Variants in MAF1 observed in about 807,000 individuals in gnomAD.
The protein encoded by MAF1 is repressor of RNA polymerase III transcription MAF1 homolog.
MAF1 carries 7 observed loss-of-function variants against 31.9 expected under a neutral mutation model. That is an observed-to-expected ratio of 0.22 (90% CI 0.12 to 0.41). MAF1 has a LOEUF of 0.41. Among genes scored for constraint, MAF1 ranks in the 10% least tolerant of loss-of-function variants. The pLI is 1.00. For missense variants in MAF1, 221 were observed against 323.1 expected, an observed-to-expected ratio of 0.68 and a Z score of 2.42; for synonymous variants, 157 against 120.0, an observed-to-expected ratio of 1.31 and a Z score of -2.02.
intron 2 of MAF1, 21 bp from the exon 3 acceptor site, chr8:144,105,848 G>A (rs772638818): frequency 1.2e-6 from 2 of 1,612,956 alleles, no homozygotes; most frequent in Admixed American, 1.7e-5. Context: ...CATGCTTCAT[G>A]GTTCTCTCTG....
Position 144,106,079 on chromosome 8 carries a change from C to T in MAF1, c.216C>T (p.Leu72=), listed in dbSNP as rs1415008740. The change falls in exon 4 of 8, where the codon CTC becomes CTT. Residue 72 remains leucine, a synonymous_variant. Transcript: ENST00000322428. ...GCTGATGGTTCTGTCTGTGCAGACT[C>T]AGCAAAAGCCAAGGCGGTGAGGAGG... ...PQTSGLSPSR[L]SKSQGGEEEG... The T allele has an allele frequency of 5.0e-6, 8 of 1,613,500 alleles. No homozygotes were observed. Among genetic ancestry groups the T allele is most frequent in the African/African-American group, 2.7e-5 (2 of 74,908 alleles).
Position 144,107,130 on chromosome 8 carries a change from A to C in MAF1, c.*21A>C. 1 of 1,555,350 alleles carries C rather than the reference A, an allele frequency of 6.4e-7. No individual in the cohort carries two copies. The highest frequency in any genetic ancestry group is 8.7e-7 in the Non-Finnish European group (1 of 1,149,630). ...TTTGATGAGGAGGAGCCGAGGCCCC[A>C]GCTTCATCCAGCTTCAACCAATGCC... On this transcript the variant is annotated 3_prime_UTR_variant, in exon 8 of 8. Coordinates refer to ENST00000322428, the MANE Select transcript of MAF1 (RefSeq NM_032272.5).
At position 144,106,644 on chromosome 8, in the gene MAF1, G is replaced by A. The variant is rs775836372; in HGVS notation, c.590G>A (p.Arg197Gln). 3 of 1,613,656 alleles carry A rather than the reference G, an allele frequency of 1.9e-6. No homozygotes were observed. The highest frequency in any genetic ancestry group is 2.5e-6 in the Non-Finnish European group (3 of 1,179,966). The change falls in exon 6 of 8, where the codon CGA becomes CAA. Residue 197 changes from arginine to glutamine, a missense_variant. Physicochemically the swap from Arg to Gln is conservative, Grantham distance 43 (BLOSUM62 1). Coordinates refer to ENST00000322428, the MANE Select transcript of MAF1 (RefSeq NM_032272.5). ...TTCTTCTACAACAAGCGGCTCAAGCGAATCGTCTTCTTTAGCTGCCGTTCC... is the reference window on the plus strand; with the variant it reads ...TTCTTCTACAACAAGCGGCTCAAGCAAATCGTCTTCTTTAGCTGCCGTTCC... ...NYFFYNKRLK[R>Q]IVFFSCRSIS...
intron 6 of MAF1, 41 bp downstream of exon 6, chr8:144,106,715 C>A: frequency 1.3e-6 from 2 of 1,598,494 alleles, no homozygotes; most frequent in Middle Eastern, 1.7e-4. Context: ...CCTGTTGGGC[C>A]GATACAACTT....
chr8:144,106,843 C>T lies in MAF1; in HGVS notation c.629C>T (p.Thr210Ile), dbSNP rs1836424170. 12 of 1,533,434 alleles carry T rather than the reference C, an allele frequency of 7.8e-6. No individual in the cohort carries two copies. The highest frequency in any genetic ancestry group is 2.1e-5 in the Admixed American group (1 of 47,762). 95.0% of individuals were successfully genotyped at this position (1,533,434 alleles called of 1,614,324 possible). ...FFSCRSISGS[T>I]YTPSEAGNEL... is the part of the protein sequence containing the mutation. ...TCCCTGCCTCCCCTCAGTGGCTCCACCTACACACCCTCAGAGGCAGGCAAC... is the reference window on the plus strand; with the variant it reads ...TCCCTGCCTCCCCTCAGTGGCTCCATCTACACACCCTCAGAGGCAGGCAAC... The change falls in exon 7 of 8, where the codon ACC becomes ATC. Residue 210 changes from threonine (T) to isoleucine (I), a missense_variant. This residue lies in a region of MAF1 where 75 missense variants were observed against 60.1 expected (regional missense o/e 1.25). Coordinates refer to ENST00000322428, the MANE Select transcript of MAF1 (RefSeq NM_032272.5).
intron 1 of MAF1, 76 bp from the exon 2 acceptor site, chr8:144,105,564 T>C: frequency 1.2e-6 from 1 of 840,352 alleles, no homozygotes; most frequent in Non-Finnish European, 1.9e-6. Flanking sequence ...GCGGCTCCAC[T>C]TAGTGGGTAG....
In MAF1 at chr8:144,107,338, C is replaced by T; in HGVS notation, c.*229C>T. On this transcript the variant is annotated 3_prime_UTR_variant, in exon 8 of 8. Coordinates refer to ENST00000322428, the MANE Select transcript of MAF1 (RefSeq NM_032272.5). ...TGTGGCCGGACTTGTCAGCAGGGGG[C>T]CTGGTGGGAGGAGCGACTGCCCTGC... is the stretch of plus-strand genomic sequence containing the variant. 1 of 621,918 alleles carries T rather than the reference C, an allele frequency of 1.6e-6. No homozygotes were observed. The highest frequency in any genetic ancestry group is 1.9e-5 in the South Asian group (1 of 51,696). The allele number at this position is 621,918 out of a possible 1,614,324, so 38.5% of individuals were successfully genotyped here.
chr8:144,105,517 T>C, intron 1 of MAF1, 123 bp from the exon 2 acceptor site: 1 of 621,422 alleles, frequency 1.6e-6, no homozygotes, highest in South Asian at 1.9e-5. Flanking sequence ...GCTCCTGATG[T>C]GCAGCCTGGA....
chr8:144,106,923 G>T lies in MAF1; in HGVS notation c.709G>T (p.Gly237Cys). 1 of 1,517,716 alleles carries T rather than the reference G, an allele frequency of 6.6e-7. No individual in the cohort carries two copies. The highest frequency in any genetic ancestry group is 8.8e-7 in the Non-Finnish European group (1 of 1,135,256). 94.0% of individuals were successfully genotyped at this position (1,517,716 alleles called of 1,614,324 possible). A position where few individuals can be genotyped will look rare whatever the true frequency, so the allele number is the denominator to read the frequency against. Residue 237 changes from glycine (G) to cysteine (C), a missense_variant, in exon 7 of 8, where the codon GGC becomes TGC. By Grantham distance (159) the Gly-to-Cys change is radical (BLOSUM62 -3). Coordinates refer to ENST00000322428, the MANE Select transcript of MAF1 (RefSeq NM_032272.5). ...EEVEEESRSG[G>C]SGAEETSTME... ...GGTGGAGGAAGAAAGCAGAAGCGGG[G>T]GCAGTGGGGCCGAGGAGACCAGCAC... is the stretch of plus-strand genomic sequence containing the variant.
At position 144,105,856 on chromosome 8, in the gene MAF1, C is replaced by T. The variant is rs759754943; in HGVS notation, c.84-13C>T. ...GGGGAAGCATGCTTCATGGTTCTCTCTGCATCCTATAGGATTGAGAGCTAC... is the reference window on the plus strand; with the variant it reads ...GGGGAAGCATGCTTCATGGTTCTCTTTGCATCCTATAGGATTGAGAGCTAC... On this transcript the variant is annotated splice_polypyrimidine_tract_variant and intron_variant, in intron 2 of 7. Coordinates refer to ENST00000322428, the MANE Select transcript of MAF1 (RefSeq NM_032272.5). 9.9e-6 allele frequency: 16 copies of T among 1,612,954 alleles called. No homozygotes were observed. The Admixed American group carries it at 1.0e-4, about 10-fold the overall frequency.
rs1265963645 is a variant in MAF1, at chr8:144,106,010, G to A, written c.212+13G>A. On this transcript the variant is annotated intron_variant, in intron 3 of 7. Transcript: ENST00000322428. ...TGAGCCCCAGCAGGTGAGCCATGGTGGGGCCTACCTGGGGCTGGGGGTTGA... is the reference window on the plus strand; with the variant it reads ...TGAGCCCCAGCAGGTGAGCCATGGTAGGGCCTACCTGGGGCTGGGGGTTGA... 23 of 1,613,474 alleles carry A rather than the reference G, an allele frequency of 1.4e-5. No homozygotes were observed. Among genetic ancestry groups the A allele is most frequent in the Non-Finnish European group, 1.9e-5 (23 of 1,180,018 alleles).
chr8:144,106,310 G>A (rs1478946368), intron 4 of MAF1, 33 bp from the exon 5 acceptor site: 6 of 1,612,826 alleles, frequency 3.7e-6, no homozygotes, highest in Non-Finnish European at 5.1e-6. Flanking sequence ...GGTAGCCCTG[G>A]GCTCCTGTCA....
Position 144,106,522 on chromosome 8 carries a change from G to A in MAF1, c.501-33G>A, listed in dbSNP as rs150907502. The A allele has an allele frequency of 1.1e-4, 181 of 1,613,906 alleles. 1 individual carries two copies. The African/African-American group carries it at 1.8e-3, about 16-fold the overall frequency. On this transcript the variant is annotated intron_variant, in intron 5 of 7. Coordinates refer to ENST00000322428, the MANE Select transcript of MAF1 (RefSeq NM_032272.5). The stretch of plus-strand genomic sequence containing the variant: ...CCTCCAGGTTTGTGGGGCACTTGGC[G>A]CCTCACACCACCTGTCACCCTATAC...
chr8:144,104,985 C>G (rs1836382405), intron 1 of MAF1, 127 bp downstream of exon 1: 1 of 152,250 alleles, frequency 6.6e-6, no homozygotes, highest in South Asian at 2.1e-4. Context: ...CCCGACGTGG[C>G]CCAGGCGGGC....
chr8:144,106,262 A>AGGG, intron 4 of MAF1, 21 bp downstream of exon 4: 4 of 1,613,424 alleles, frequency 2.5e-6, no homozygotes, highest in Non-Finnish European at 3.4e-6. Context: ...GGTGGAGGGA[A>AGGG]GGGACCCACA....
intron 2 of MAF1, 51 bp from the exon 3 acceptor site, chr8:144,105,818 T>C: frequency 1.2e-6 from 2 of 1,612,708 alleles, no homozygotes; most frequent in Non-Finnish European, 8.5e-7. Flanking sequence ...GCCGCGCCCT[T>C]CAGTGGAACC....
Position 144,107,141 on chromosome 8 carries a change from G to T in MAF1, c.*32G>T. On this transcript the variant is annotated 3_prime_UTR_variant, in exon 8 of 8. Coordinates refer to ENST00000322428, the MANE Select transcript of MAF1 (RefSeq NM_032272.5). ...GGAGCCGAGGCCCCAGCTTCATCCAGCTTCAACCAATGCCTGGACCTGTCC... is the reference window on the plus strand; with the variant it reads ...GGAGCCGAGGCCCCAGCTTCATCCATCTTCAACCAATGCCTGGACCTGTCC... The T allele has an allele frequency of 6.4e-7, 1 of 1,554,704 alleles. No homozygotes were observed. Among genetic ancestry groups the T allele is most frequent in the Non-Finnish European group, 8.7e-7 (1 of 1,149,196 alleles).
Position 144,107,242 on chromosome 8 carries a change from C to T in MAF1, c.*133C>T. On this transcript the variant is annotated 3_prime_UTR_variant, in exon 8 of 8. Coordinates refer to ENST00000322428, the MANE Select transcript of MAF1 (RefSeq NM_032272.5). ...GCCACAGTCCTGGCACTGCCCAAGG[C>T]CATACCTGCCTAGCCCTTTGGCTCC... 3.5e-6 allele frequency: 4 copies of T among 1,154,152 alleles called. No homozygotes were observed. Among genetic ancestry groups the T allele is most frequent in the Non-Finnish European group, 5.1e-6 (4 of 789,910 alleles). 71.5% of individuals were successfully genotyped at this position (1,154,152 alleles called of 1,614,324 possible).
At chr8:144,106,505 T>G in intron 5 of MAF1, 41 bp downstream of exon 5, 2 of 1,613,842 alleles carry the variant, frequency 1.2e-6, no homozygotes, top group South Asian at 2.2e-5. Flanking sequence ...GGCCTCCAGG[T>G]TTGTGGGGCA....
Sources: allele counts gnomAD v4.1 joint callset, GRCh38; gene constraint gnomAD v4.1.1; regional missense constraint gnomAD v4.1.1; transcripts MANE v1.5; gene names NCBI Gene and HGNC (gene_info 2026-07-23, HGNC 2026-07-21).